Variants in SUPT3H observed in about 807,000 individuals in gnomAD.
SUPT3H encodes SPT3 homolog, SAGA and STAGA complex component.
Under a neutral mutation model 44.3 loss-of-function variants are expected in SUPT3H, and 44 were observed. The ratio of observed to expected loss-of-function variants is 0.99; its 90% CI spans 0.78 to 1.28. The LOEUF is 1.28. SUPT3H is among the 50% of genes most tolerant of loss of function. SUPT3H has a pLI of 0.00. For synonymous variants in SUPT3H, 124 were observed against 125.6 expected (o/e 0.99, Z 0.09); for missense variants, 380 against 387.1 (o/e 0.98, Z 0.15).
At chr6:44,892,591 A>G (rs986358673) in intron 10 of SUPT3H, among the ~76,000 whole-genome samples, 4 of 152,224 alleles carry the variant, frequency 2.6e-5, no homozygotes, top group Non-Finnish European at 5.9e-5. Flanking sequence ...TGCAATTAAT[A>G]CACAGGGAAA....
intron 2 of SUPT3H, among the ~76,000 whole-genome samples, chr6:45,296,213 C>CAA (rs1781201543): frequency 6.6e-6 from 1 of 151,178 alleles, no homozygotes; most frequent in Non-Finnish European, 1.5e-5. Context: ...CACACACACA[C>CAA]AATGCAACAC....
intron 10 of SUPT3H, among the ~76,000 whole-genome samples, chr6:44,830,416 T>C (rs1768438682): frequency 2.6e-5 from 4 of 152,164 alleles, no homozygotes; most frequent in Admixed American, 2.6e-4. Flanking sequence ...TATATAATTT[T>C]ATATACATAC....
At chr6:45,097,925 AG>A (rs1192247608) in intron 3 of SUPT3H, 1 of 152,602 alleles carries the variant, frequency 6.6e-6, no homozygotes, top group East Asian at 1.9e-4. Flanking sequence ...GTATTCTTGC[AG>A]AAAAATCATG....
chr6:44,843,804 CT>C (rs1029627749), intron 10 of SUPT3H, among the ~76,000 whole-genome samples: 73 of 151,944 alleles, frequency 4.8e-4, no homozygotes, highest in African/African-American at 1.7e-3. Flanking sequence ...ATAGACTTAT[CT>C]ATAGAGTCGG....
chr6:44,981,563 T>C (rs1779094142), intron 6 of SUPT3H, among the ~76,000 whole-genome samples: 1 of 152,138 alleles, frequency 6.6e-6, no homozygotes, highest in Admixed American at 6.5e-5. Flanking sequence ...TTGAGAAACA[T>C]TTTATACCAT....
intron 10 of SUPT3H, among the ~76,000 whole-genome samples, chr6:44,897,816 T>C (rs1178977020): frequency 6.6e-6 from 1 of 152,188 alleles, no homozygotes; most frequent in Non-Finnish European, 1.5e-5. Flanking sequence ...TATGCTCTTC[T>C]TTCTCTGGCT....
In SUPT3H at chr6:44,829,042, A is replaced by G. The variant is rs1768144520; in HGVS notation, c.*774T>C. ...TGGTAGTGCTTTGAAGGGAGGAAGCAAGAAATCACTCTGCTCCCCTTCTAC... is the reference window on the plus strand; with the variant it reads ...TGGTAGTGCTTTGAAGGGAGGAAGCGAGAAATCACTCTGCTCCCCTTCTAC... On this transcript the variant is annotated 3_prime_UTR_variant, in exon 11 of 11. Transcript: ENST00000371459. 6.6e-6 allele frequency: 1 copy of G among 152,568 alleles called. No homozygotes were observed. The highest frequency in any genetic ancestry group is 6.6e-5 in the Admixed American group (1 of 15,262). 9.5% of individuals were successfully genotyped at this position (152,568 alleles called of 1,614,324 possible).
At chr6:45,076,293 G>T (rs1404690685) in intron 3 of SUPT3H, among the ~76,000 whole-genome samples, 1 of 152,078 alleles carries the variant, frequency 6.6e-6, no homozygotes, top group East Asian at 1.9e-4. Flanking sequence ...CAGACATACA[G>T]TCATGTGAAT....
rs115530439 is a variant in SUPT3H, at chr6:45,193,553, T to C, written c.102-87547A>G. On this transcript the variant is annotated intron_variant, in intron 2 of 10. Coordinates refer to ENST00000371459, the MANE Select transcript of SUPT3H (RefSeq NM_003599.4). Reference sequence around the variant, plus strand: ...TTGAACAAAGTTGAGTAAAATAATGTATTCCTCAAAAAATTAGCTGGGCAT... The same window carrying C: ...TTGAACAAAGTTGAGTAAAATAATGCATTCCTCAAAAAATTAGCTGGGCAT... Among the ~76,000 whole-genome samples, 168 of 152,132 alleles carry C rather than the reference T, an allele frequency of 1.1e-3. 1 individual carries two copies. The highest frequency in any genetic ancestry group is 4.0e-3 in the African/African-American group (164 of 41,508).
intron 2 of SUPT3H, among the ~76,000 whole-genome samples, chr6:45,252,242 T>A (rs1222778592): frequency 6.6e-6 from 1 of 152,178 alleles, no homozygotes; most frequent in Non-Finnish European, 1.5e-5. Flanking sequence ...AAGCAGTTTG[T>A]CCAAGGTCAC....
At chr6:45,238,131 C>T (rs766555461) in intron 2 of SUPT3H, among the ~76,000 whole-genome samples, 5 of 152,018 alleles carry the variant, frequency 3.3e-5, no homozygotes, top group African/African-American at 1.2e-4. Context: ...TGAACCTACT[C>T]GTAAAAAAAT....
chr6:44,809,889 C>T (rs975757918), intron 11 of SUPT3H, among the ~76,000 whole-genome samples: 9 of 152,112 alleles, frequency 5.9e-5, no homozygotes, highest in Admixed American at 5.9e-4. Flanking sequence ...CACCACACAG[C>T]CATTAAGGGC....
At chr6:45,203,924 G>A (rs1041552234) in intron 2 of SUPT3H, among the ~76,000 whole-genome samples, 5 of 152,026 alleles carry the variant, frequency 3.3e-5, no homozygotes, top group Admixed American at 6.6e-5. Context: ...CTTTTAAATG[G>A]CAGCTTTCTA....
At chr6:45,284,730 C>T (rs1044838113) in intron 2 of SUPT3H, among the ~76,000 whole-genome samples, 1 of 152,174 alleles carries the variant, frequency 6.6e-6, no homozygotes, top group East Asian at 1.9e-4. Flanking sequence ...GGGAATCCTC[C>T]CTAACTCATT....
At chr6:45,051,629 G>C (rs1450870939) in intron 3 of SUPT3H, among the ~76,000 whole-genome samples, 1 of 152,056 alleles carries the variant, frequency 6.6e-6, no homozygotes, top group Non-Finnish European at 1.5e-5. Context: ...CTGTAAGCAT[G>C]TTGTATTTAT....
chr6:45,292,050 TA>T (rs1780394155), intron 2 of SUPT3H, among the ~76,000 whole-genome samples: 2 of 152,066 alleles, frequency 1.3e-5, no homozygotes, highest in Non-Finnish European at 2.9e-5. Context: ...AAGCACCAGG[TA>T]ACCTACAAAG....
chr6:44,993,458 CTTTCCCCAA>C (rs1357033090), intron 6 of SUPT3H, among the ~76,000 whole-genome samples: 1 of 151,324 alleles, frequency 6.6e-6, no homozygotes, highest in African/African-American at 2.4e-5. Context: ...CCAGAAGGCA[CTTTCCCCAA>C]TTTTAGACAA....
intron 3 of SUPT3H, among the ~76,000 whole-genome samples, chr6:45,027,898 G>T (rs568545691): frequency 5.0e-4 from 76 of 152,066 alleles, no homozygotes; most frequent in Non-Finnish European, 9.6e-4. Context: ...TTGACAAGTC[G>T]ATTACATTAT....
chr6:45,295,906 G>A (rs1189728688), intron 2 of SUPT3H, among the ~76,000 whole-genome samples: 3 of 152,028 alleles, frequency 2.0e-5, no homozygotes, highest in East Asian at 1.9e-4. Context: ...AACCACTATG[G>A]AAAATGGTAC....
Sources: gnomAD v4.1 joint callset for allele counts (sites outside exome capture counted in the v4.1 genomes callset) on GRCh38, gnomAD v4.1.1 for gene constraint, MANE v1.5 for transcripts, NCBI Gene and HGNC (gene_info 2026-07-23, HGNC 2026-07-21) for gene names.